The following GSTCD variants were observed in gnomAD, a reference collection of about 807,000 sequenced individuals.
GSTCD encodes the protein glutathione S-transferase C-terminal domain containing, also known as glutathione S-transferase C-terminal domain-containing protein.
Under a neutral mutation model 68.3 loss-of-function variants are expected in GSTCD, and 44 were observed. The observed-to-expected ratio is 0.64, with a 90% CI of 0.51 to 0.83. GSTCD has a LOEUF of 0.83. GSTCD is among the 40% of genes least tolerant of loss of function. The pLI, the probability that GSTCD is intolerant of heterozygous loss-of-function variation, is 0.00. For missense variants in GSTCD, 739 were observed against 735.9 expected (o/e 1.00, Z -0.05); for synonymous variants, 273 against 255.2 (o/e 1.07, Z -0.67).
chr4:105,833,496 A>G (rs892343397), intron 8 of GSTCD, among the ~76,000 whole-genome samples: 1 of 152,170 alleles, frequency 6.6e-6, no homozygotes, highest in Non-Finnish European at 1.5e-5. Flanking sequence ...AATTTACAGA[A>G]AATCTCCTCT....
rs1374792131 is a variant in GSTCD, at chr4:105,847,551, T to C, written c.*1974T>C. On this transcript the variant is annotated 3_prime_UTR_variant, in exon 12 of 12. Coordinates refer to ENST00000515279, the MANE Select transcript of GSTCD (RefSeq NM_001370181.1). ...CATCACTGGAATCAGATATAGAATA[T>C]TCCCCTTAAATATTGTCAGGTAAAC... 1 of 152,210 alleles carries C rather than the reference T, an allele frequency of 6.6e-6. No homozygotes were observed. Among genetic ancestry groups the C allele is most frequent in the Non-Finnish European group, 1.5e-5 (1 of 68,034 alleles). 9.4% of individuals were successfully genotyped at this position (152,210 alleles called of 1,614,324 possible).
rs573032207 is a variant in GSTCD at position 105,819,220 on chromosome 4, T to G, written c.1241-3734T>G. ...CCCCCATTGATCTCTCATTTTTAGG[T>G]GCAAGTGAGTTAATTGTAGTTTTCT... On this transcript the variant is annotated intron_variant, in intron 5 of 11. Transcript: ENST00000515279. 8.6e-5 allele frequency among the ~76,000 whole-genome samples: 13 copies of G among 151,850 alleles called. No individual in the cohort carries two copies. The South Asian group carries it at 2.7e-3, about 32-fold the overall frequency.
chr4:105,825,347 C>T lies in GSTCD; in HGVS notation c.1402-325C>T, dbSNP rs963870620. On this transcript the variant is annotated intron_variant, in intron 7 of 11. Transcript: ENST00000515279. ...GTTTCACCATATTGGCCAGGCTAATCTCGAGTTCCTGACCTCAAGTGATCC... is the reference window on the plus strand; with the variant it reads ...GTTTCACCATATTGGCCAGGCTAATTTCGAGTTCCTGACCTCAAGTGATCC... 1.1e-4 allele frequency among the ~76,000 whole-genome samples: 17 copies of T among 152,310 alleles called. 1 individual carries two copies. The highest frequency in any genetic ancestry group is 3.6e-4 in the African/African-American group (15 of 41,574).
rs2149291697 is a variant in GSTCD, at chr4:105,846,655, A to G, written c.*1078A>G. On this transcript the variant is annotated 3_prime_UTR_variant, in exon 12 of 12. Coordinates refer to ENST00000515279, the MANE Select transcript of GSTCD (RefSeq NM_001370181.1). ...AGATCATCTAGAAGAAAAAGATTAA[A>G]GAATTAGTTAAGCTTTTTTTTTTTT... is the stretch of plus-strand genomic sequence containing the variant. 1 of 151,894 alleles carries G rather than the reference A, an allele frequency of 6.6e-6. No homozygotes were observed. The highest frequency in any genetic ancestry group is 2.1e-4 in the South Asian group (1 of 4,818). The allele number at this position is 151,894 out of a possible 1,614,324, so 9.4% of individuals were successfully genotyped here.
At chr4:105,817,571 T>C (rs1183286839) in intron 5 of GSTCD, among the ~76,000 whole-genome samples, 1 of 151,858 alleles carries the variant, frequency 6.6e-6, no homozygotes, top group Non-Finnish European at 1.5e-5. Context: ...GGATTAGTGA[T>C]AGTAGCCTCC....
intron 5 of GSTCD, among the ~76,000 whole-genome samples, chr4:105,815,805 A>G (rs948608957): frequency 1.3e-5 from 2 of 152,202 alleles, no homozygotes; most frequent in Non-Finnish European, 2.9e-5. Flanking sequence ...TTCTACAGTT[A>G]GCCTTTTTGT....
At chr4:105,818,267 C>CT (rs753012228) in intron 5 of GSTCD, among the ~76,000 whole-genome samples, 1 of 149,410 alleles carries the variant, frequency 6.7e-6, no homozygotes, top group African/African-American at 2.4e-5. Context: ...GAAAAAGTAA[C>CT]TTTTTTCTCT....
At chr4:105,710,241 T>A (rs972260318) in intron 1 of GSTCD, among the ~76,000 whole-genome samples, 3 of 132,850 alleles carry the variant, frequency 2.3e-5, no homozygotes, top group Non-Finnish European at 5.0e-5. Flanking sequence ...AATTTTTTTT[T>A]TTTTTTTTTT....
intron 5 of GSTCD, among the ~76,000 whole-genome samples, chr4:105,797,537 T>C (rs1735943657): frequency 6.6e-6 from 1 of 152,158 alleles, no homozygotes; most frequent in Non-Finnish European, 1.5e-5. Flanking sequence ...CTAAGCATCA[T>C]TGGAACCTTC....
chr4:105,732,709 C>T (rs112604699), intron 5 of GSTCD, among the ~76,000 whole-genome samples: 4,264 of 151,998 alleles, frequency 0.028, 177 homozygotes, highest in African/African-American at 0.089. Context: ...GCTCTGATCT[C>T]AGTTATTTCT....
intron 5 of GSTCD, among the ~76,000 whole-genome samples, chr4:105,783,298 A>G (rs976847222): frequency 4.6e-5 from 7 of 152,148 alleles, no homozygotes; most frequent in African/African-American, 1.7e-4. Flanking sequence ...GGATCTTTTC[A>G]TTTTACAAAA....
At chr4:105,769,910 T>C (rs934105772) in intron 5 of GSTCD, among the ~76,000 whole-genome samples, 1 of 152,066 alleles carries the variant, frequency 6.6e-6, no homozygotes, top group Non-Finnish European at 1.5e-5. Context: ...CCCACCACCA[T>C]GCCTGCCTAA....
chr4:105,802,561 C>T (rs1736151009), intron 5 of GSTCD, among the ~76,000 whole-genome samples: 1 of 152,064 alleles, frequency 6.6e-6, no homozygotes, highest in Admixed American at 6.6e-5. Flanking sequence ...TCCTTCAAAA[C>T]AATTTACATT....
intron 5 of GSTCD, chr4:105,807,363 T>G (rs925821153): frequency 6.6e-6 from 1 of 152,076 alleles, no homozygotes; most frequent in Non-Finnish European, 1.5e-5. Context: ...AATAATGTTA[T>G]GGAATACACT....
intron 4 of GSTCD, among the ~76,000 whole-genome samples, chr4:105,727,930 G>T (rs1733096446): frequency 6.6e-6 from 1 of 152,114 alleles, no homozygotes; most frequent in African/African-American, 2.4e-5. Context: ...CCCTATTTGG[G>T]TTAGGAAGTA....
chr4:105,802,165 ATTG>A (rs1736129378), intron 5 of GSTCD, among the ~76,000 whole-genome samples: 1 of 152,074 alleles, frequency 6.6e-6, no homozygotes, highest in Admixed American at 6.6e-5. Flanking sequence ...ACATCATGAT[ATTG>A]TTTGTTTGGT....
intron 5 of GSTCD, among the ~76,000 whole-genome samples, chr4:105,741,754 T>C (rs1733638097): frequency 6.6e-6 from 1 of 152,152 alleles, no homozygotes. Context: ...AATTGGATCA[T>C]CTTGTTTTCA....
At chr4:105,811,035 A>C (rs896327344) in intron 5 of GSTCD, among the ~76,000 whole-genome samples, 2 of 152,182 alleles carry the variant, frequency 1.3e-5, no homozygotes, top group East Asian at 3.8e-4. Flanking sequence ...GTAGATTCCT[A>C]AAATAGTCCC....
At chr4:105,788,233 T>A (rs999704400) in intron 5 of GSTCD, among the ~76,000 whole-genome samples, 4 of 152,114 alleles carry the variant, frequency 2.6e-5, no homozygotes, top group South Asian at 2.1e-4. Context: ...TTTTAAATAT[T>A]TAGAAGTTAT....
Sources: allele counts gnomAD v4.1 joint callset (sites outside exome capture counted in the v4.1 genomes callset), GRCh38; gene constraint gnomAD v4.1.1; transcripts MANE v1.5; gene names NCBI Gene and HGNC (gene_info 2026-07-23, HGNC 2026-07-21).